Variants in DLGAP2 observed in about 807,000 individuals in gnomAD.
DLGAP2 encodes the protein DLG associated protein 2.
In DLGAP2, 26 loss-of-function variants were observed where a neutral mutation model predicts 100.3. The ratio of observed to expected loss-of-function variants is 0.26; its 90% CI spans 0.19 to 0.36. The LOEUF (loss-of-function observed/expected upper bound fraction) is 0.36. Ranked by LOEUF, DLGAP2 falls within the 10% of genes least tolerant of loss-of-function variation. The pLI is 1.00. For synonymous variants in DLGAP2, 886 were observed against 630.1 expected (o/e 1.41, Z -6.08); for missense variants, 1,858 against 1,453.2 (o/e 1.28, Z -4.53).
chr8:1,628,243 G>C (rs1797556654), intron 7 of DLGAP2, among the ~76,000 whole-genome samples: 1 of 140,862 alleles, frequency 7.1e-6, no homozygotes, highest in South Asian at 2.4e-4. Flanking sequence ...ACTTACTGTG[G>C]AGCAGGGATT....
In DLGAP2 at chr8:1,240,382, G is replaced by C. The variant is rs192131214; in HGVS notation, c.74-18469G>C. ...CTGTCTCACACAGAGCATCGTGTCT[G>C]GTTCTCTCACATGGCACCATGTCTA... On this transcript the variant is annotated intron_variant, in intron 2 of 14. Transcript: ENST00000637795. 6.9e-3 allele frequency among the ~76,000 whole-genome samples: 886 copies of C among 128,162 alleles called. 12 individuals carry two copies. Among genetic ancestry groups the C allele is most frequent in the Admixed American group, 0.038 (483 of 12,598 alleles). 84.1% of individuals were successfully genotyped at this position (128,162 alleles called of 152,430 possible). A position where few individuals can be genotyped will look rare whatever the true frequency, so the allele number is the denominator to read the frequency against.
intron 2 of DLGAP2, among the ~76,000 whole-genome samples, chr8:1,187,876 C>T (rs1249349312): frequency 3.3e-5 from 4 of 122,846 alleles, no homozygotes; most frequent in Admixed American, 1.5e-4. Flanking sequence ...GTGACGTTTG[C>T]CTCACGGAAT....
intron 1 of DLGAP2, among the ~76,000 whole-genome samples, chr8:826,503 G>A (rs1796687570): frequency 6.6e-6 from 1 of 152,148 alleles, no homozygotes; most frequent in Admixed American, 6.5e-5. Context: ...TTCCCCACAG[G>A]CATTTAGTGT....
At chr8:1,108,506 T>A (rs1224795453) in intron 2 of DLGAP2, among the ~76,000 whole-genome samples, 3 of 149,636 alleles carry the variant, frequency 2.0e-5, no homozygotes, top group Non-Finnish European at 3.0e-5. Context: ...TGACGTGTGC[T>A]GGGTCTGTGA....
chr8:1,453,100 A>G (rs912292950), intron 3 of DLGAP2, among the ~76,000 whole-genome samples: 1 of 152,176 alleles, frequency 6.6e-6, no homozygotes, highest in African/African-American at 2.4e-5. Context: ...TCCCTTGTAG[A>G]GGAGACTGCT....
intron 2 of DLGAP2, among the ~76,000 whole-genome samples, chr8:1,159,672 T>G (rs542057742): frequency 5.9e-5 from 9 of 152,380 alleles, no homozygotes; most frequent in Admixed American, 2.0e-4. Context: ...ATACTTTGGT[T>G]ATTTTATATA....
rs74416895 is a variant in DLGAP2 at position 1,412,451 on chromosome 8, C to T, written c.107-88915C>T. 3.5e-3 allele frequency among the ~76,000 whole-genome samples: 530 copies of T among 152,330 alleles called. 9 individuals carry two copies. The East Asian group carries it at 0.047, about 14-fold the overall frequency. On this transcript the variant is annotated intron_variant, in intron 3 of 14. Coordinates refer to ENST00000637795, the MANE Select transcript of DLGAP2 (RefSeq NM_001346810.2). ...TACATTGCTAAATGCATGCATGCATCTGATCTCACGAATTCAGTGCTGAAA... is the reference window on the plus strand; with the variant it reads ...TACATTGCTAAATGCATGCATGCATTTGATCTCACGAATTCAGTGCTGAAA...
At chr8:1,156,614 G>GCCCAGCGCTCCAC (rs1223699862) in intron 2 of DLGAP2, among the ~76,000 whole-genome samples, 1 of 151,010 alleles carries the variant, frequency 6.6e-6, no homozygotes, top group Non-Finnish European at 1.5e-5. Context: ...TAGCGTCCCA[G>GCCCAGCGCTCCAC]CCCAGCGCCC....
intron 2 of DLGAP2, among the ~76,000 whole-genome samples, chr8:1,025,682 A>G (rs4377983): frequency 0.38 from 57,344 of 151,870 alleles, 11,340 homozygotes; most frequent in Admixed American, 0.5. Context: ...CCTGGCTCTG[A>G]TAAAGTGCTA....
intron 6 of DLGAP2, among the ~76,000 whole-genome samples, chr8:1,614,742 A>T (rs545029623): frequency 3.3e-5 from 5 of 152,252 alleles, no homozygotes; most frequent in Non-Finnish European, 7.3e-5. Context: ...TTAAAATGTA[A>T]TAATGGGGAG....
intron 4 of DLGAP2, 65 bp downstream of exon 4, chr8:1,501,496 C>T (rs1799722244): frequency 6.8e-7 from 1 of 1,471,322 alleles, no homozygotes. Context: ...CTCCGGGCAC[C>T]TCCCATCATG....
intron 4 of DLGAP2, among the ~76,000 whole-genome samples, chr8:1,544,755 A>G (rs1455861600): frequency 6.7e-6 from 1 of 149,008 alleles, no homozygotes; most frequent in Non-Finnish European, 1.5e-5. Context: ...TTTTTGAGAC[A>G]GAGGTCTCAC....
At chr8:1,183,659 G>A (rs1261467440) in intron 2 of DLGAP2, among the ~76,000 whole-genome samples, 2 of 152,220 alleles carry the variant, frequency 1.3e-5, no homozygotes, top group African/African-American at 4.8e-5. Context: ...AGGGCAGGCG[G>A]TGGAGCCCAG....
At chr8:1,408,075 G>A (rs1796623686) in intron 3 of DLGAP2, among the ~76,000 whole-genome samples, 1 of 152,134 alleles carries the variant, frequency 6.6e-6, no homozygotes, top group Admixed American at 6.5e-5. Context: ...ATGCCCCCCA[G>A]GGGATAGAAT....
chr8:1,665,585 G>A (rs2130833133), intron 8 of DLGAP2, among the ~76,000 whole-genome samples: 1 of 152,314 alleles, frequency 6.6e-6, no homozygotes, highest in South Asian at 2.1e-4. Flanking sequence ...GCGTCTCTCT[G>A]TTGCCTTTGA....
Position 1,633,032 on chromosome 8 carries a change from T to C in DLGAP2, c.1796T>C (p.Ile599Thr). 6.2e-7 allele frequency: 1 copy of C among 1,613,832 alleles called. No homozygotes were observed. The stretch of plus-strand genomic sequence containing the variant: ...ACACCCTCTGACATCACCTCCACCA[T>C]CAGGTCAACAGCAGGTAAGGGGACG... Reference protein sequence around the residue: ...MMTPSDITSTIRSTAAVSYTN... With the variant: ...MMTPSDITSTTRSTAAVSYTN... Residue 599 changes from isoleucine to threonine, a missense_variant, in exon 8 of 15, where the codon ATC becomes ACC. Physicochemically the swap from Ile to Thr is moderately conservative, Grantham distance 89. Transcript: ENST00000637795.
rs562836071 is a variant in DLGAP2 at position 1,206,740 on chromosome 8, A to G, written c.74-52111A>G. 1.1e-4 allele frequency among the ~76,000 whole-genome samples: 17 copies of G among 152,322 alleles called. No individual in the cohort carries two copies. The South Asian group carries it at 3.3e-3, about 30-fold the overall frequency. ...ACAGTCCTTAGCTGCGTCCTGGAGAACTGGTCTTCCGGGCCCTGCCTACCT... is the reference window on the plus strand; with the variant it reads ...ACAGTCCTTAGCTGCGTCCTGGAGAGCTGGTCTTCCGGGCCCTGCCTACCT... On this transcript the variant is annotated intron_variant, in intron 2 of 14. Coordinates refer to ENST00000637795, the MANE Select transcript of DLGAP2 (RefSeq NM_001346810.2).
intron 13 of DLGAP2, among the ~76,000 whole-genome samples, chr8:1,694,318 G>C (rs1799324968): frequency 6.6e-6 from 1 of 152,204 alleles, no homozygotes; most frequent in Non-Finnish European, 1.5e-5. Context: ...ATGGTCCGCA[G>C]CGCAAAGTAG....
intron 1 of DLGAP2, among the ~76,000 whole-genome samples, chr8:819,668 T>G (rs960377213): frequency 1.3e-5 from 2 of 152,088 alleles, no homozygotes; most frequent in African/African-American, 4.8e-5. Flanking sequence ...GACAGAGTAG[T>G]GGAAAAGTAG....
Sources: gnomAD v4.1 joint callset for allele counts (sites outside exome capture counted in the v4.1 genomes callset) on GRCh38, gnomAD v4.1.1 for gene constraint, MANE v1.5 for transcripts, NCBI Gene and HGNC (gene_info 2026-07-23, HGNC 2026-07-21) for gene names.